The following PCDH9 variants were observed in gnomAD, a reference collection of about 807,000 sequenced individuals.
PCDH9 encodes the protein protocadherin-9.
In PCDH9, 24 loss-of-function variants were observed where a neutral mutation model predicts 70.6. The observed-to-expected ratio is 0.34, with a 90% CI of 0.25 to 0.48. The LOEUF is 0.48. Ranked by LOEUF, PCDH9 falls within the 20% of genes least tolerant of loss-of-function variation. The pLI is 0.99. For synonymous variants in PCDH9, 562 were observed against 558.5 expected, an observed-to-expected ratio of 1.01 and a Z score of -0.09; for missense variants, 1,281 against 1,503.6, an observed-to-expected ratio of 0.85 and a Z score of 2.45.
intron 2 of PCDH9, among the ~76,000 whole-genome samples, chr13:66,918,890 G>C (rs2082597802): frequency 6.6e-6 from 1 of 151,128 alleles, no homozygotes; most frequent in African/African-American, 2.4e-5. Flanking sequence ...ATGCACTTTG[G>C]AAGGAGTATT....
intron 3 of PCDH9, among the ~76,000 whole-genome samples, chr13:66,820,068 T>C (rs1244412657): frequency 6.6e-6 from 1 of 152,168 alleles, no homozygotes; most frequent in African/African-American, 2.4e-5. Flanking sequence ...TATGATATAA[T>C]GAATAATCAA....
chr13:66,453,475 C>G (rs890830060), intron 4 of PCDH9, among the ~76,000 whole-genome samples: 2 of 152,196 alleles, frequency 1.3e-5, no homozygotes, highest in Non-Finnish European at 2.9e-5. Context: ...GCACTATAAT[C>G]TATCCCCAGG....
chr13:66,779,866 T>TATAC (rs1336725254), intron 3 of PCDH9, among the ~76,000 whole-genome samples: 11 of 71,752 alleles, frequency 1.5e-4, no homozygotes, highest in Middle Eastern at 6.8e-3. Flanking sequence ...TATATATATA[T>TATAC]ACATATATGT....
intron 4 of PCDH9, among the ~76,000 whole-genome samples, chr13:66,630,100 T>G (rs1256521326): frequency 6.6e-6 from 1 of 152,206 alleles, no homozygotes; most frequent in Non-Finnish European, 1.5e-5. Flanking sequence ...TCCCACTTCG[T>G]GCAACCAGTT....
chr13:66,560,517 C>T (rs1048999283), intron 4 of PCDH9, among the ~76,000 whole-genome samples: 1 of 152,146 alleles, frequency 6.6e-6, no homozygotes, highest in Non-Finnish European at 1.5e-5. Context: ...AACCTCGGGT[C>T]GTGCATTGGT....
Position 67,225,420 on chromosome 13 carries a change from G to A in PCDH9, c.3021C>T (p.Pro1007=). The A allele has an allele frequency of 1.2e-6, 2 of 1,613,950 alleles. No homozygotes were observed. Among genetic ancestry groups the A allele is most frequent in the Non-Finnish European group, 1.7e-6 (2 of 1,179,964 alleles). The change falls in exon 2 of 5, where the codon CCC becomes CCT. Residue 1007 remains proline (P), a synonymous_variant. Transcript: ENST00000377865. ...SSQGGFKTKG[P]LHTRQCNSHS... ...GCTCGTTTACCTGTCTGGTGTGTAA[G>A]GGGCCCTTTGTCTTGAAGCCTCCTT... is the stretch of plus-strand genomic sequence containing the variant.
chr13:66,366,141 T>C (rs931241301), intron 4 of PCDH9, among the ~76,000 whole-genome samples: 7 of 152,188 alleles, frequency 4.6e-5, no homozygotes, highest in African/African-American at 1.7e-4. Flanking sequence ...AAATCTATTA[T>C]TTCTTCCTTG....
chr13:67,129,585 G>C (rs1285148067), intron 2 of PCDH9, among the ~76,000 whole-genome samples: 5 of 151,730 alleles, frequency 3.3e-5, no homozygotes, highest in African/African-American at 9.7e-5. Context: ...TCTCTGCTAA[G>C]GGCACAATCA....
chr13:66,520,462 C>T (rs1959939290), intron 4 of PCDH9, among the ~76,000 whole-genome samples: 1 of 152,166 alleles, frequency 6.6e-6, no homozygotes, highest in Admixed American at 6.5e-5. Flanking sequence ...CTGCATTTTC[C>T]TGCAGTAGTT....
chr13:67,191,288 T>C (rs1295291190), intron 2 of PCDH9, among the ~76,000 whole-genome samples: 1 of 152,182 alleles, frequency 6.6e-6, no homozygotes, highest in African/African-American at 2.4e-5. Context: ...TTGGAGAATG[T>C]ACATTCCTCG....
At chr13:66,471,919 C>G (rs1468717302) in intron 4 of PCDH9, among the ~76,000 whole-genome samples, 1 of 151,964 alleles carries the variant, frequency 6.6e-6, no homozygotes, top group Non-Finnish European at 1.5e-5. Flanking sequence ...TTCATTGAAA[C>G]TAGAAATGTG....
At chr13:66,443,584 T>C (rs1394613715) in intron 4 of PCDH9, among the ~76,000 whole-genome samples, 2 of 152,142 alleles carry the variant, frequency 1.3e-5, no homozygotes, top group African/African-American at 4.8e-5. Flanking sequence ...TTTCAACTCT[T>C]GAAATGTAAG....
chr13:66,505,167 T>C (rs1217862093), intron 4 of PCDH9, among the ~76,000 whole-genome samples: 1 of 152,212 alleles, frequency 6.6e-6, no homozygotes, highest in Non-Finnish European at 1.5e-5. Flanking sequence ...CCTATTACTT[T>C]CTATTTATTT....
chr13:66,929,314 T>C (rs956618574), intron 2 of PCDH9, among the ~76,000 whole-genome samples: 2 of 151,592 alleles, frequency 1.3e-5, no homozygotes, highest in East Asian at 3.9e-4. Context: ...TTTTTAATTA[T>C]TAATTTTTAA....
intron 3 of PCDH9, among the ~76,000 whole-genome samples, chr13:66,670,087 G>A (rs956142433): frequency 2.0e-5 from 3 of 151,902 alleles, no homozygotes; most frequent in African/African-American, 7.3e-5. Flanking sequence ...CCTCTATTCC[G>A]TGTTATTTTC....
At chr13:66,540,951 T>C (rs1260024981) in intron 4 of PCDH9, among the ~76,000 whole-genome samples, 2 of 152,166 alleles carry the variant, frequency 1.3e-5, no homozygotes, top group Non-Finnish European at 2.9e-5. Flanking sequence ...TGTAATCTAA[T>C]GGAGTTAACT....
At chr13:66,669,555 G>C (rs1212128896) in intron 3 of PCDH9, among the ~76,000 whole-genome samples, 2 of 152,154 alleles carry the variant, frequency 1.3e-5, no homozygotes, top group Non-Finnish European at 2.9e-5. Flanking sequence ...GATGTTCTCA[G>C]AGGTGTTACA....
chr13:66,807,225 C>T lies in PCDH9; in HGVS notation c.3138+96279G>A, dbSNP rs190632913. ...ATAAGCTTAAAAGCTACAGTTTTGT[C>T]ACTCCACCACCATTCCTTTCCTTCA... On this transcript the variant is annotated intron_variant, in intron 3 of 4. Coordinates refer to ENST00000377865, the MANE Select transcript of PCDH9 (RefSeq NM_203487.3). Among the ~76,000 whole-genome samples the T allele has an allele frequency of 3.7e-3, 558 of 152,262 alleles. 1 individual carries two copies. Among genetic ancestry groups the T allele is most frequent in the Non-Finnish European group, 6.5e-3 (439 of 68,002 alleles).
chr13:66,996,411 G>C (rs547492960), intron 2 of PCDH9: 5 of 152,130 alleles, frequency 3.3e-5, no homozygotes, highest in African/African-American at 1.2e-4. Flanking sequence ...TGCTGGGAAT[G>C]AGTGATTATA....
Sources: gnomAD v4.1 joint callset for allele counts (sites outside exome capture counted in the v4.1 genomes callset) on GRCh38, gnomAD v4.1.1 for gene constraint, MANE v1.5 for transcripts, NCBI Gene and HGNC (gene_info 2026-07-23, HGNC 2026-07-21) for gene names.